TAX1BP1: variants seen among roughly 807,000 people sequenced by gnomAD.
TAX1BP1 encodes the protein Tax1 binding protein 1.
In TAX1BP1, 62 loss-of-function variants were observed where a neutral mutation model predicts 97.7. The observed-to-expected ratio is 0.63, with a 90% CI of 0.52 to 0.78. The LOEUF (loss-of-function observed/expected upper bound fraction) is 0.78, where lower values mean the gene tolerates loss of function less well. TAX1BP1 is among the 30% of genes least tolerant of loss of function. The pLI, the probability that TAX1BP1 is intolerant of heterozygous loss-of-function variation, is 0.00. For synonymous variants in TAX1BP1, 340 were observed against 304.2 expected (o/e 1.12, Z -1.23); for missense variants, 867 against 916.1 (o/e 0.95, Z 0.69).
intron 8 of TAX1BP1, among the ~76,000 whole-genome samples, chr7:27,789,747 C>T (rs1462022228): frequency 2.6e-5 from 4 of 151,910 alleles, no homozygotes; most frequent in Admixed American, 1.3e-4. Flanking sequence ...ATTAAAAATA[C>T]TCAGACATAG....
At chr7:27,760,257 A>T (rs1329773435) in intron 3 of TAX1BP1, among the ~76,000 whole-genome samples, 1 of 152,190 alleles carries the variant, frequency 6.6e-6, no homozygotes, top group East Asian at 1.9e-4. Flanking sequence ...ACTAAAAGAA[A>T]AACCTTTAAA....
intron 3 of TAX1BP1, among the ~76,000 whole-genome samples, chr7:27,760,237 G>A (rs1788372862): frequency 6.6e-6 from 1 of 151,854 alleles, no homozygotes; most frequent in Admixed American, 6.6e-5. Flanking sequence ...AATTAAATTT[G>A]TTTTAACAAA....
At chr7:27,816,738 A>G in intron 14 of TAX1BP1, 152 bp from the exon 15 acceptor site, 1 of 1,058,654 alleles carries the variant, frequency 9.4e-7, no homozygotes, top group East Asian at 2.6e-5. Context: ...CATATAGTTC[A>G]CAATTTAAAA....
chr7:27,796,155 G>A lies in TAX1BP1; in HGVS notation c.1574G>A (p.Cys525Tyr). Residue 525 changes from cysteine to tyrosine, a missense_variant, in exon 12 of 17, where the codon TGT becomes TAT. By Grantham distance (194) the Cys-to-Tyr change is radical. Around this residue, in one of 3 missense-constraint regions of TAX1BP1, gnomAD observed 822 missense variants for 851.4 expected, o/e 0.97. Coordinates refer to ENST00000396319, the MANE Select transcript of TAX1BP1 (RefSeq NM_006024.7). ...GACATAGTAACAAAGGGGCAAGTCTGTGAAATGACCAAAGAAATTGCTGAC... is the reference window on the plus strand; with the variant it reads ...GACATAGTAACAAAGGGGCAAGTCTATGAAATGACCAAAGAAATTGCTGAC... Reference protein sequence around the residue: ...DFDIVTKGQVCEMTKEIADKT... With the variant: ...DFDIVTKGQVYEMTKEIADKT... 1 of 1,604,864 alleles carries A rather than the reference G, an allele frequency of 6.2e-7. No homozygotes were observed. Among genetic ancestry groups the A allele is most frequent in the Non-Finnish European group, 8.5e-7 (1 of 1,177,514 alleles).
intron 13 of TAX1BP1, among the ~76,000 whole-genome samples, chr7:27,812,077 T>G (rs1724589013): frequency 6.6e-6 from 1 of 152,228 alleles, no homozygotes; most frequent in African/African-American, 2.4e-5. Context: ...CGAATTGTTT[T>G]TACAAAGTGG....
intron 4 of TAX1BP1, 33 bp downstream of exon 4, chr7:27,766,054 A>G (rs965273343): frequency 1.9e-6 from 3 of 1,590,182 alleles, no homozygotes; most frequent in Non-Finnish European, 1.7e-6. Context: ...TGATTCATTG[A>G]TAATTTTAAG....
chr7:27,825,447 C>T (rs1791142356), intron 15 of TAX1BP1, among the ~76,000 whole-genome samples: 1 of 152,150 alleles, frequency 6.6e-6, no homozygotes, highest in East Asian at 1.9e-4. Context: ...AGAGTGCTTA[C>T]TGCATACTCT....
chr7:27,764,700 A>G (rs561767402), intron 3 of TAX1BP1, among the ~76,000 whole-genome samples: 109 of 152,160 alleles, frequency 7.2e-4, no homozygotes, highest in African/African-American at 2.6e-3. Context: ...CATCTTGCCT[A>G]CGATTATTGT....
chr7:27,746,954 G>A (rs1029569193), intron 1 of TAX1BP1, among the ~76,000 whole-genome samples: 3 of 152,164 alleles, frequency 2.0e-5, no homozygotes, highest in African/African-American at 7.2e-5. Context: ...TTTCAAACAG[G>A]TCAGCAAAAG....
rs1211495989 is a variant in TAX1BP1 at position 27,785,441 on chromosome 7, A to G, written c.804A>G (p.Gln268=). 6.2e-7 allele frequency: 1 copy of G among 1,613,756 alleles called. No individual in the cohort carries two copies. The highest frequency in any genetic ancestry group is 8.5e-7 in the Non-Finnish European group (1 of 1,179,920). ...KLKKAQHERE[Q]LECQLKTEKD... is the part of the protein sequence containing the mutation. The stretch of plus-strand genomic sequence containing the variant: ...AGAAGGCACAACATGAAAGAGAACA[A>G]CTTGAATGTCAGTTGAAGACAGAGA... The change falls in exon 7 of 17, where the codon CAA becomes CAG. Residue 268 remains glutamine, a synonymous_variant. Transcript: ENST00000396319.
At position 27,765,999 on chromosome 7, in the gene TAX1BP1, C is replaced by G; in HGVS notation, c.431C>G (p.Thr144Ser). 17 of 1,613,948 alleles carry G rather than the reference C, an allele frequency of 1.1e-5. No individual in the cohort carries two copies. The highest frequency in any genetic ancestry group is 1.4e-5 in the Non-Finnish European group (17 of 1,179,956). ...DEGNSDMLVV[T>S]TKAGLLELKI... ...GGAAATTCTGACATGTTAGTGGTGA[C>G]CACAAAAGCAGGCCTTCTTGAGGTT... is the stretch of plus-strand genomic sequence containing the variant. The change falls in exon 4 of 17, where the codon ACC becomes AGC. Residue 144 changes from threonine (T) to serine (S), a missense_variant. Thr to Ser is a moderately conservative substitution (Grantham distance 58). Around this residue, in one of 3 missense-constraint regions of TAX1BP1, gnomAD observed 822 missense variants for 851.4 expected, o/e 0.97. Transcript: ENST00000396319.
At chr7:27,788,982 C>G (rs1258346563) in intron 8 of TAX1BP1, among the ~76,000 whole-genome samples, 1 of 151,940 alleles carries the variant, frequency 6.6e-6, no homozygotes, top group East Asian at 1.9e-4. Flanking sequence ...TTCCTTTGCT[C>G]CATTCCATAT....
chr7:27,789,916 T>G (rs914933382), intron 8 of TAX1BP1, among the ~76,000 whole-genome samples: 3 of 151,950 alleles, frequency 2.0e-5, no homozygotes, highest in African/African-American at 7.2e-5. Context: ...AGCATCTTTT[T>G]CCTATTTAAG....
chr7:27,817,133 C>T lies in TAX1BP1; in HGVS notation c.2085+95C>T, dbSNP rs112436273. ...ATGTGTGCATATGTGTATCTTTGTGCGTGCATGCGTGTGTGTGGAAGGAGA... is the reference window on the plus strand; with the variant it reads ...ATGTGTGCATATGTGTATCTTTGTGTGTGCATGCGTGTGTGTGGAAGGAGA... On this transcript the variant is annotated intron_variant, in intron 15 of 16. Coordinates refer to ENST00000396319, the MANE Select transcript of TAX1BP1 (RefSeq NM_006024.7). 234 of 1,390,062 alleles carry T rather than the reference C, an allele frequency of 1.7e-4. 1 individual carries two copies. The East Asian group carries it at 4.7e-3, about 28-fold the overall frequency. 86.1% of individuals were successfully genotyped at this position (1,390,062 alleles called of 1,614,324 possible). A position where few individuals can be genotyped will look rare whatever the true frequency, so the allele number is the denominator to read the frequency against.
intron 15 of TAX1BP1, among the ~76,000 whole-genome samples, chr7:27,826,995 T>G (rs1339818755): frequency 6.6e-6 from 1 of 152,214 alleles, no homozygotes; most frequent in Non-Finnish European, 1.5e-5. Context: ...GAGACTGTCT[T>G]TCTTGTAATT....
chr7:27,818,108 A>G (rs1790847341), intron 15 of TAX1BP1, among the ~76,000 whole-genome samples: 1 of 152,116 alleles, frequency 6.6e-6, no homozygotes, highest in African/African-American at 2.4e-5. Flanking sequence ...ATTTAATCTG[A>G]TCATTCTTGG....
intron 3 of TAX1BP1, 57 bp downstream of exon 3, chr7:27,758,190 A>G: frequency 7.6e-7 from 1 of 1,322,506 alleles, no homozygotes; most frequent in South Asian, 1.2e-5. Context: ...GCCATTAAAG[A>G]TGTTGTACTC....
rs73295536 is a variant in TAX1BP1 at position 27,759,876 on chromosome 7, C to T, written c.265+1743C>T. ...AAATCTTTTTTTTTTTTTTTTGAGC[C>T]GGAGTCACACTGTGTTACCCAGGCT... On this transcript the variant is annotated intron_variant, in intron 3 of 16. Transcript: ENST00000396319. Among the ~76,000 whole-genome samples, 1,002 of 148,912 alleles carry T rather than the reference C, an allele frequency of 6.7e-3. 14 individuals are homozygous for T. The highest frequency in any genetic ancestry group is 0.024 in the African/African-American group (957 of 40,430).
chr7:27,805,599 G>A (rs1790307969), intron 13 of TAX1BP1, among the ~76,000 whole-genome samples: 1 of 152,194 alleles, frequency 6.6e-6, no homozygotes, highest in African/African-American at 2.4e-5. Context: ...CACTTTGGGA[G>A]GCTGAGGCTT....
Sources: gnomAD v4.1 joint callset for allele counts (sites outside exome capture counted in the v4.1 genomes callset) on GRCh38, gnomAD v4.1.1 for gene constraint, gnomAD v4.1.1 regional missense constraint, MANE v1.5 for transcripts, NCBI Gene and HGNC (gene_info 2026-07-23, HGNC 2026-07-21) for gene names.